TARBP1: variants seen among roughly 807,000 people sequenced by gnomAD.
TARBP1 encodes tRNA (guanosine(18)-2'-O)-methyltransferase TARBP1.
A neutral mutation model predicts 178.6 loss-of-function variants in TARBP1; 144 were observed. The ratio of observed to expected loss-of-function variants is 0.81; its 90% confidence interval spans 0.70 to 0.93. The LOEUF is 0.93. Among genes scored for constraint, TARBP1 ranks in the 40% least tolerant of loss-of-function variants. TARBP1 has a pLI of 0.00. For missense variants in TARBP1, 2,067 were observed against 2,011.7 expected (o/e 1.03, Z -0.53); for synonymous variants, 787 against 781.0 (o/e 1.01, Z -0.13).
intron 25 of TARBP1, chr1:234,400,174 G>A (rs540631040): frequency 1.3e-5 from 2 of 151,944 alleles, no homozygotes; most frequent in Non-Finnish European, 2.9e-5. Context: ...AAACATATGA[G>A]AGTGAGGTGG....
At chr1:234,396,828 T>C (rs1263732003) in intron 26 of TARBP1, among the ~76,000 whole-genome samples, 1 of 151,112 alleles carries the variant, frequency 6.6e-6, no homozygotes. Flanking sequence ...ACAAGTCACA[T>C]GTGAGTCCTG....
chr1:234,445,042 C>G (rs1666005252), intron 12 of TARBP1, among the ~76,000 whole-genome samples: 1 of 152,188 alleles, frequency 6.6e-6, no homozygotes, highest in East Asian at 1.9e-4. Context: ...TCATTTCTCT[C>G]CGAGTGGCCC....
chr1:234,426,205 C>T (rs1036206813), intron 19 of TARBP1, among the ~76,000 whole-genome samples: 11 of 152,228 alleles, frequency 7.2e-5, no homozygotes, highest in African/African-American at 2.4e-4. Context: ...CATGCACTAT[C>T]GGTGCACATT....
intron 1 of TARBP1, among the ~76,000 whole-genome samples, chr1:234,474,316 A>G (rs1436777004): frequency 1.3e-5 from 2 of 151,710 alleles, no homozygotes; most frequent in African/African-American, 4.8e-5. Context: ...AAAAAACTCA[A>G]TCCAAAATCA....
At chr1:234,412,499 C>T (rs1476073654) in intron 22 of TARBP1, among the ~76,000 whole-genome samples, 1 of 151,270 alleles carries the variant, frequency 6.6e-6, no homozygotes, top group African/African-American at 2.4e-5. Flanking sequence ...GACCTCACCT[C>T]TATAAAAATT....
chr1:234,398,288 A>G lies in TARBP1; in HGVS notation c.4243+94T>C, dbSNP rs1572204619. ...AGAGGTCACCATGTCAATGAAAGTGATATTATTATTAACTACCTGTCCTTA... is the reference window on the plus strand; with the variant it reads ...AGAGGTCACCATGTCAATGAAAGTGGTATTATTATTAACTACCTGTCCTTA... On this transcript the variant is annotated intron_variant, in intron 26 of 29. Coordinates refer to ENST00000040877, the MANE Select transcript of TARBP1 (RefSeq NM_005646.4). 8.5e-6 allele frequency: 9 copies of G among 1,053,158 alleles called. No homozygotes were observed. The East Asian group carries it at 2.5e-4, about 29-fold the overall frequency. 65.2% of individuals were successfully genotyped at this position (1,053,158 alleles called of 1,614,324 possible). A position where few individuals can be genotyped will look rare whatever the true frequency, so the allele number is the denominator to read the frequency against.
rs1668581820 is a variant in TARBP1, at chr1:234,467,638, A to AAG, written c.1110_1111dup (p.Phe371SerfsTer53). The AAG allele has an allele frequency of 4.4e-6, 7 of 1,588,136 alleles. No homozygotes were observed. The highest frequency in any genetic ancestry group is 6.0e-6 in the Non-Finnish European group (7 of 1,172,490). ...AATACACATATGCCAGGATGGGTGA[A>AAG]AGAGCCAACATCCTGTGGAAACAAA... On this transcript the variant is annotated frameshift_variant, in exon 4 of 30. Transcript: ENST00000040877. LOFTEE classifies it high-confidence loss of function.
chr1:234,477,838 C>T (rs1013723049), intron 1 of TARBP1, among the ~76,000 whole-genome samples: 2 of 152,152 alleles, frequency 1.3e-5, no homozygotes, highest in Non-Finnish European at 2.9e-5. Flanking sequence ...TAGATATCAA[C>T]CGTTTCTATT....
chr1:234,410,628 GGAGGCAGCCTCTTCCCT>G, intron 22 of TARBP1, 97 bp from the exon 23 acceptor site: 1 of 732,660 alleles, frequency 1.4e-6, no homozygotes, highest in Non-Finnish European at 2.3e-6. Context: ...GCCCAGGACA[GGAGGCAGCCTCTTCCCT>G]GGAACAGCCC....
At chr1:234,436,136 C>T (rs1362522837) in intron 13 of TARBP1, among the ~76,000 whole-genome samples, 1 of 152,166 alleles carries the variant, frequency 6.6e-6, no homozygotes, top group Non-Finnish European at 1.5e-5. Context: ...ATCAAGCTCT[C>T]CCTCTGTTTT....
chr1:234,402,480 C>T (rs1660780443), intron 24 of TARBP1, among the ~76,000 whole-genome samples: 1 of 152,098 alleles, frequency 6.6e-6, no homozygotes, highest in African/African-American at 2.4e-5. Flanking sequence ...TTTAAATATT[C>T]CGAATATTCA....
Position 234,445,936 on chromosome 1 carries a change from T to C in TARBP1, c.2134+867A>G, listed in dbSNP as rs888242982. Among the ~76,000 whole-genome samples, 13 of 152,274 alleles carry C rather than the reference T, an allele frequency of 8.5e-5. 1 individual carries two copies. The highest frequency in any genetic ancestry group is 8.5e-4 in the Admixed American group (13 of 15,288). On this transcript the variant is annotated intron_variant, in intron 12 of 29. Coordinates refer to ENST00000040877, the MANE Select transcript of TARBP1 (RefSeq NM_005646.4). ...TGAAAGCACTGAGCATAGGAGTAAA[T>C]AGTCAGGACAGCGCCAATGAATTCA...
intron 6 of TARBP1, 123 bp from the exon 7 acceptor site, chr1:234,460,519 T>C: frequency 1.0e-6 from 1 of 978,244 alleles, no homozygotes; most frequent in Non-Finnish European, 1.5e-6. Context: ...CCACACACTA[T>C]GATGGCTATA....
chr1:234,470,288 G>A (rs1668909684), intron 3 of TARBP1, among the ~76,000 whole-genome samples: 1 of 151,992 alleles, frequency 6.6e-6, no homozygotes, highest in African/African-American at 2.4e-5. Flanking sequence ...AAAAAAAAGA[G>A]CAATTATTAA....
chr1:234,466,150 G>A (rs1668409273), intron 4 of TARBP1, among the ~76,000 whole-genome samples: 1 of 152,188 alleles, frequency 6.6e-6, no homozygotes, highest in Non-Finnish European at 1.5e-5. Flanking sequence ...TACATGAAGT[G>A]CAGAAATAAT....
intron 22 of TARBP1, among the ~76,000 whole-genome samples, chr1:234,412,303 T>G (rs1445079169): frequency 6.6e-6 from 1 of 152,004 alleles, no homozygotes; most frequent in Non-Finnish European, 1.5e-5. Flanking sequence ...GCACCTGTAA[T>G]TCCAGTTACC....
chr1:234,438,451 T>C (rs768752302), intron 12 of TARBP1, among the ~76,000 whole-genome samples: 5 of 152,224 alleles, frequency 3.3e-5, no homozygotes, highest in Middle Eastern at 6.8e-3. Flanking sequence ...AAACAGAAGA[T>C]ATATAGAAAA....
Position 234,479,033 on chromosome 1 carries a change from CACAGCGCCCCAA to C in TARBP1, c.59_70del (p.Leu20_Cys24delinsArg). On this transcript the variant is annotated inframe_deletion, in exon 1 of 30. Transcript: ENST00000040877. ...GCGCTCCGCGGATGCCTCCCCTTGG[CACAGCGCCCCAA>C]GCAGGGCCCGGGGGTCCCGGCTCTG... 1 of 1,535,302 alleles carries C rather than the reference CACAGCGCCCCAA, an allele frequency of 6.5e-7. No homozygotes were observed. Among genetic ancestry groups the C allele is most frequent in the Non-Finnish European group, 8.7e-7 (1 of 1,153,804 alleles).
intron 1 of TARBP1, among the ~76,000 whole-genome samples, chr1:234,475,176 C>G (rs573467192): frequency 1.3e-5 from 2 of 152,318 alleles, no homozygotes; most frequent in African/African-American, 4.8e-5. Flanking sequence ...TTCAGAGGCG[C>G]AGGCACCCAG....
Sources: allele counts gnomAD v4.1 joint callset (sites outside exome capture counted in the v4.1 genomes callset), GRCh38; gene constraint gnomAD v4.1.1; transcripts MANE v1.5; gene names NCBI Gene and HGNC (gene_info 2026-07-23, HGNC 2026-07-21).